The following PDK1 variants were observed in gnomAD, a reference collection of about 807,000 sequenced individuals.
PDK1 encodes the protein [Pyruvate dehydrogenase (acetyl-transferring)] kinase isozyme 1, mitochondrial.
Under a neutral mutation model 54.2 loss-of-function variants are expected in PDK1, and 39 were observed. The ratio of observed to expected loss-of-function variants is 0.72; its 90% CI spans 0.56 to 0.94. The LOEUF is 0.94. PDK1 is among the 40% of genes least tolerant of loss of function. The pLI is 0.00. For synonymous variants in PDK1, 221 were observed against 207.1 expected, an observed-to-expected ratio of 1.07 and a Z score of -0.58; for missense variants, 552 against 566.0, an observed-to-expected ratio of 0.98 and a Z score of 0.25.
At chr2:172,649,085 T>G in the PDK1 span, among the ~76,000 whole-genome samples, 2 of 152,208 alleles carry the variant, frequency 1.3e-5, no homozygotes, top group Non-Finnish European at 2.9e-5. Flanking sequence ...CACCTCCCAG[T>G]AGGGGCTGAC....
chr2:172,564,442 A>ATTT, intron 3 of PDK1, 61 bp from the exon 4 acceptor site: 1 of 1,374,744 alleles, frequency 7.3e-7, no homozygotes, highest in Non-Finnish European at 1.0e-6. Flanking sequence ...TTAAGCTTAT[A>ATTT]TTTTTGTATT....
chr2:172,647,451 T>G, the PDK1 span, among the ~76,000 whole-genome samples: 8 of 152,232 alleles, frequency 5.3e-5, no homozygotes, highest in East Asian at 1.5e-3. Context: ...AATGGAGGCA[T>G]GTCAAAAGGA....
At chr2:172,657,547 T>A in the PDK1 span, among the ~76,000 whole-genome samples, 1 of 151,768 alleles carries the variant, frequency 6.6e-6, no homozygotes, top group Non-Finnish European at 1.5e-5. Flanking sequence ...GACTCATAGA[T>A]TTCTTCCAAT....
Position 172,599,838 on chromosome 2 carries a change from A to C in PDK1, c.*3869A>C, listed in dbSNP as rs1290253896. The C allele has an allele frequency of 6.6e-6, 1 of 152,026 alleles. No homozygotes were observed. Among genetic ancestry groups the C allele is most frequent in the Non-Finnish European group, 1.5e-5 (1 of 68,006 alleles). The allele number at this position is 152,026 out of a possible 1,614,324, so 9.4% of individuals were successfully genotyped here. ...TTGTCAGTTTTTGGTGCAAAACTCT[A>C]CTCTTTTTGGTTGACTTGGAAAAGC... On this transcript the variant is annotated 3_prime_UTR_variant, in exon 11 of 11. Coordinates refer to ENST00000282077, the MANE Select transcript of PDK1 (RefSeq NM_002610.5).
In PDK1 at chr2:172,603,030, A is replaced by G. The variant is rs1691166030; in HGVS notation, c.*7061A>G. 6.6e-6 allele frequency: 1 copy of G among 152,252 alleles called. No individual in the cohort carries two copies. 9.4% of individuals were successfully genotyped at this position (152,252 alleles called of 1,614,324 possible). The stretch of plus-strand genomic sequence containing the variant: ...TTTGTAAGCAATGCTCCTGATGCGA[A>G]TCACCTGGAGATCTTGAGCAAATGC... On this transcript the variant is annotated 3_prime_UTR_variant, in exon 11 of 11. Coordinates refer to ENST00000282077, the MANE Select transcript of PDK1 (RefSeq NM_002610.5).
the PDK1 span, among the ~76,000 whole-genome samples, chr2:172,668,134 A>C: frequency 1.3e-5 from 2 of 152,336 alleles, no homozygotes; most frequent in African/African-American, 4.8e-5. Flanking sequence ...GCAATGTCTC[A>C]TTGAATTCCT....
the PDK1 span, among the ~76,000 whole-genome samples, chr2:172,706,813 T>TC: frequency 6.6e-6 from 1 of 152,232 alleles, no homozygotes; most frequent in African/African-American, 2.4e-5. Flanking sequence ...AGTCTTTTGG[T>TC]ACCTCTTTGA....
chr2:172,656,926 G>T, the PDK1 span, among the ~76,000 whole-genome samples: 1 of 152,170 alleles, frequency 6.6e-6, no homozygotes, highest in African/African-American at 2.4e-5. Flanking sequence ...GACAAGTGTG[G>T]GGGCTCTCCT....
At chr2:172,610,847 G>T (rs1016999969), downstream of PDK1, among the ~76,000 whole-genome samples, 1 of 152,166 alleles carries the variant, frequency 6.6e-6, no homozygotes, top group Non-Finnish European at 1.5e-5. Flanking sequence ...CTGACCTCAG[G>T]TGATCCACCC....
chr2:172,715,702 A>T, the PDK1 span, among the ~76,000 whole-genome samples: 3 of 152,188 alleles, frequency 2.0e-5, no homozygotes. Context: ...CCTTTGAGTG[A>T]AAGTTTATGT....
chr2:172,648,390 G>T, the PDK1 span, among the ~76,000 whole-genome samples: 3 of 152,172 alleles, frequency 2.0e-5, no homozygotes, highest in African/African-American at 4.8e-5. Context: ...GTTCCAAGAT[G>T]GCCGAATAGG....
intron 3 of PDK1, chr2:172,563,940 A>G (rs1401263129): frequency 2.2e-6 from 1 of 455,952 alleles, no homozygotes; most frequent in Non-Finnish European, 4.5e-6. Flanking sequence ...TTTGTCTTTT[A>G]ATATAATTGT....
chr2:172,648,643 G>A, the PDK1 span, among the ~76,000 whole-genome samples: 6 of 152,304 alleles, frequency 3.9e-5, no homozygotes, highest in Middle Eastern at 3.4e-3. Context: ...CTAATACTGA[G>A]CTTTTCCAAT....
chr2:172,649,991 C>T, the PDK1 span, among the ~76,000 whole-genome samples: 289 of 152,142 alleles, frequency 1.9e-3, no homozygotes, highest in African/African-American at 6.7e-3. Context: ...CAGAGAACGC[C>T]GCAAAGATAC....
At position 172,556,314 on chromosome 2, in the gene PDK1, C is replaced by T; in HGVS notation, c.164C>T (p.Ser55Phe). The T allele has an allele frequency of 2.0e-6, 3 of 1,496,376 alleles. No homozygotes were observed. Among genetic ancestry groups the T allele is most frequent in the Non-Finnish European group, 1.8e-6 (2 of 1,130,484 alleles). 92.7% of individuals were successfully genotyped at this position (1,496,376 alleles called of 1,614,324 possible). A position where few individuals can be genotyped will look rare whatever the true frequency, so the allele number is the denominator to read the frequency against. ...QVDFYARFSP[S>F]PLSMKQFLDF... The stretch of plus-strand genomic sequence containing the variant: ...GACTTCTACGCGCGCTTCTCGCCGT[C>T]CCCGCTCTCCATGAAGCAGTTCCTG... The change falls in exon 1 of 11, where the codon TCC (serine) becomes TTC (phenylalanine). Residue 55 changes from serine (S) to phenylalanine (F), a missense_variant. Ser to Phe is a radical substitution (Grantham distance 155). Coordinates refer to ENST00000282077, the MANE Select transcript of PDK1 (RefSeq NM_002610.5).
the PDK1 span, among the ~76,000 whole-genome samples, chr2:172,643,298 C>T: frequency 2.6e-5 from 4 of 152,322 alleles, no homozygotes; most frequent in South Asian, 2.1e-4. Context: ...GTTACTACCT[C>T]ACCTCCTGTC....
the PDK1 span, among the ~76,000 whole-genome samples, chr2:172,679,254 T>C: frequency 6.6e-6 from 1 of 152,182 alleles, no homozygotes; most frequent in African/African-American, 2.4e-5. Context: ...AAGACTAGCC[T>C]GGGCAACATA....
At chr2:172,609,529 A>G (rs765570130), downstream of PDK1, among the ~76,000 whole-genome samples, 2 of 152,242 alleles carry the variant, frequency 1.3e-5, no homozygotes, top group African/African-American at 4.8e-5. Context: ...GCACAAAGCT[A>G]TCCACTGCAC....
Position 172,602,194 on chromosome 2 carries a change from T to G in PDK1, c.*6225T>G, listed in dbSNP as rs1408425393. On this transcript the variant is annotated 3_prime_UTR_variant, in exon 11 of 11. Coordinates refer to ENST00000282077, the MANE Select transcript of PDK1 (RefSeq NM_002610.5). Reference sequence around the variant, plus strand: ...ACACTTGAGCAAAGACTGTGAAATATTAATAGACCAATCTTGTTTATGAAC... The same window carrying G: ...ACACTTGAGCAAAGACTGTGAAATAGTAATAGACCAATCTTGTTTATGAAC... 3 of 152,198 alleles carry G rather than the reference T, an allele frequency of 2.0e-5. No individual in the cohort carries two copies. The highest frequency in any genetic ancestry group is 4.4e-5 in the Non-Finnish European group (3 of 68,038). 9.4% of individuals were successfully genotyped at this position (152,198 alleles called of 1,614,324 possible). A position where few individuals can be genotyped will look rare whatever the true frequency, so the allele number is the denominator to read the frequency against.
Sources: gnomAD v4.1 joint callset for allele counts (sites outside exome capture counted in the v4.1 genomes callset) on GRCh38, gnomAD v4.1.1 for gene constraint, MANE v1.5 for transcripts, NCBI Gene and HGNC (gene_info 2026-07-23, HGNC 2026-07-21) for gene names.